The following TCERG1L variants were observed in gnomAD, a reference collection of about 807,000 sequenced individuals.
The protein encoded by TCERG1L is transcription elongation regulator 1-like protein.
TCERG1L carries 37 observed loss-of-function variants against 56.3 expected under a neutral mutation model. The ratio of observed to expected loss-of-function variants is 0.66; its 90% CI spans 0.51 to 0.87. The LOEUF is 0.87. TCERG1L is among the 40% of genes least tolerant of loss of function. The pLI, the probability that TCERG1L is intolerant of heterozygous loss-of-function variation, is 0.00. For missense variants in TCERG1L, 799 were observed against 774.2 expected (o/e 1.03, Z -0.38); for synonymous variants, 324 against 326.3 (o/e 0.99, Z 0.08).
intron 4 of TCERG1L, among the ~76,000 whole-genome samples, chr10:131,256,992 G>GGAAGGAAAGGAAGAAAGAAAGAAA (rs1846173015): frequency 3.4e-5 from 2 of 59,170 alleles, no homozygotes; most frequent in African/African-American, 5.5e-5. Flanking sequence ...AAGGAAGGAA[G>GGAAGGAAAGGAAGAAAGAAAGAAA]GAAAGAAAGA....
At chr10:131,212,481 A>ATGCTTGGC (rs1248442629) in intron 4 of TCERG1L, among the ~76,000 whole-genome samples, 1 of 152,220 alleles carries the variant, frequency 6.6e-6, no homozygotes, top group African/African-American at 2.4e-5. Context: ...CTGTTCATCT[A>ATGCTTGGC]TGCTTGGCAT....
At chr10:131,110,157 A>G (rs1446535571) in intron 9 of TCERG1L, among the ~76,000 whole-genome samples, 1 of 152,184 alleles carries the variant, frequency 6.6e-6, no homozygotes, top group African/African-American at 2.4e-5. Flanking sequence ...GGTTTTCAAC[A>G]TCCTCTCAGT....
Position 131,308,114 on chromosome 10 carries a change from T to A in TCERG1L, c.670+97A>T, listed in dbSNP as rs547992513. ...GAATTATATTTTACCAAGATAATTGTTTCATTAAAATGATGAGTATGGTTT... is the reference window on the plus strand; with the variant it reads ...GAATTATATTTTACCAAGATAATTGATTCATTAAAATGATGAGTATGGTTT... On this transcript the variant is annotated intron_variant, in intron 3 of 11. Coordinates refer to ENST00000368642, the MANE Select transcript of TCERG1L (RefSeq NM_174937.4). The A allele has an allele frequency of 3.8e-5, 46 of 1,198,612 alleles. 1 individual carries two copies. The highest frequency in any genetic ancestry group is 5.0e-5 in the Non-Finnish European group (44 of 871,960). The allele number at this position is 1,198,612 out of a possible 1,614,324, so 74.2% of individuals were successfully genotyped here.
chr10:131,099,350 T>C, intron 10 of TCERG1L, among the ~76,000 whole-genome samples: 1 of 152,230 alleles, frequency 6.6e-6, no homozygotes, highest in East Asian at 1.9e-4. Flanking sequence ...AAAATGGTCA[T>C]TTATAGACTA....
chr10:131,195,835 C>T (rs1845355758), intron 4 of TCERG1L, among the ~76,000 whole-genome samples: 3 of 152,252 alleles, frequency 2.0e-5, no homozygotes, highest in Admixed American at 6.5e-5. Context: ...AGACCACGCT[C>T]GGCCTGCGGG....
intron 6 of TCERG1L, among the ~76,000 whole-genome samples, chr10:131,158,049 A>G (rs1163548068): frequency 6.6e-6 from 1 of 152,208 alleles, no homozygotes; most frequent in African/African-American, 2.4e-5. Context: ...TAATGCTTTC[A>G]AGGAGGCCCT....
chr10:131,183,791 T>C (rs1248522491), intron 4 of TCERG1L, among the ~76,000 whole-genome samples: 2 of 152,222 alleles, frequency 1.3e-5, no homozygotes, highest in Admixed American at 6.5e-5. Context: ...ACTCTGTGCA[T>C]TGCTCTTCTT....
chr10:131,268,015 C>T (rs1041878590), intron 3 of TCERG1L, among the ~76,000 whole-genome samples: 16 of 152,146 alleles, frequency 1.1e-4, no homozygotes, highest in Admixed American at 1.0e-3. Flanking sequence ...GCCAGGAGTG[C>T]CAGGCTCAGC....
chr10:131,209,507 T>C (rs1564816570), intron 4 of TCERG1L, among the ~76,000 whole-genome samples: 1 of 150,922 alleles, frequency 6.6e-6, no homozygotes, highest in African/African-American at 2.4e-5. Context: ...GATATTTTTA[T>C]ATGCACGCAG....
chr10:131,093,417 C>T (rs1845202966), intron 11 of TCERG1L, 99 bp from the exon 12 acceptor site: 1 of 1,440,140 alleles, frequency 6.9e-7, no homozygotes, highest in African/African-American at 1.4e-5. Context: ...TCCAGCCCTT[C>T]CACCAGGCCT....
Position 131,311,300 on chromosome 10 carries a change from G to C in TCERG1L, c.336C>G (p.His112Gln). 1 of 1,206,202 alleles carries C rather than the reference G, an allele frequency of 8.3e-7. No homozygotes were observed. Among genetic ancestry groups the C allele is most frequent in the Non-Finnish European group, 1.0e-6 (1 of 971,948 alleles). The allele number at this position is 1,206,202 out of a possible 1,614,324, so 74.7% of individuals were successfully genotyped here. Residue 112 changes from histidine (H) to glutamine (Q), a missense_variant, in exon 1 of 12, where the codon CAC becomes CAG. Transcript: ENST00000368642. The surrounding 1 kb of genome is among the most constrained non-coding windows in gnomAD (Gnocchi z 4.0). ...CGGGACGGGGACACGTTACCTGCCCGTGGAGCGCGGGGAAGGGGTGCGCGG... is the reference window on the plus strand; with the variant it reads ...CGGGACGGGGACACGTTACCTGCCCCTGGAGCGCGGGGAAGGGGTGCGCGG... ...AAAAHPFPALHGQWLFGGHSP... is the reference protein window; with the variant it reads ...AAAAHPFPALQGQWLFGGHSP...
intron 3 of TCERG1L, among the ~76,000 whole-genome samples, chr10:131,291,678 G>A (rs867923129): frequency 6.6e-6 from 1 of 151,270 alleles, no homozygotes; most frequent in Non-Finnish European, 1.5e-5. Context: ...CGCCCGTCTC[G>A]GCCTCCCAAA....
chr10:131,232,597 G>C (rs2133511610), intron 4 of TCERG1L, among the ~76,000 whole-genome samples: 2 of 152,334 alleles, frequency 1.3e-5, no homozygotes, highest in South Asian at 4.1e-4. Context: ...TTTTAAAACA[G>C]GTTTTGTTCT....
chr10:131,308,541 A>C, intron 2 of TCERG1L, 150 bp from the exon 3 acceptor site: 1 of 691,082 alleles, frequency 1.4e-6, no homozygotes, highest in South Asian at 2.0e-5. Context: ...TCTAAAACTT[A>C]AAGAAGTTCC....
chr10:131,292,419 T>C (rs1866352), intron 3 of TCERG1L, among the ~76,000 whole-genome samples: 40,495 of 152,202 alleles, frequency 0.27, 6,199 homozygotes, highest in Non-Finnish European at 0.34. Flanking sequence ...CTTACAGATG[T>C]TACTGTTACT....
chr10:131,138,152 T>C (rs962694591), intron 7 of TCERG1L, among the ~76,000 whole-genome samples: 1 of 152,110 alleles, frequency 6.6e-6, no homozygotes, highest in African/African-American at 2.4e-5. Flanking sequence ...GTCTGTAATC[T>C]CAGCTACTCA....
chr10:131,185,348 C>T (rs893363922), intron 4 of TCERG1L, among the ~76,000 whole-genome samples: 1 of 151,970 alleles, frequency 6.6e-6, no homozygotes, highest in African/African-American at 2.4e-5. Context: ...AGATATAACA[C>T]CAAATGCATG....
chr10:131,150,010 A>T (rs2133418308), intron 6 of TCERG1L, among the ~76,000 whole-genome samples: 1 of 152,304 alleles, frequency 6.6e-6, no homozygotes, highest in South Asian at 2.1e-4. Flanking sequence ...ATTGCTTGGG[A>T]TGTTTTTTCA....
chr10:131,240,306 C>A (rs574669577), intron 4 of TCERG1L, among the ~76,000 whole-genome samples: 1 of 152,206 alleles, frequency 6.6e-6, no homozygotes, highest in Non-Finnish European at 1.5e-5. Flanking sequence ...ATTATCCACA[C>A]GGAACTCAGA....
Sources: gnomAD v4.1 joint callset for allele counts (sites outside exome capture counted in the v4.1 genomes callset) on GRCh38, gnomAD v4.1.1 for gene constraint, Gnocchi (gnomAD v3.1) non-coding constraint, MANE v1.5 for transcripts, NCBI Gene and HGNC (gene_info 2026-07-23, HGNC 2026-07-21) for gene names.